The following PDIA3 variants were observed in gnomAD, a reference collection of about 807,000 sequenced individuals.
PDIA3 encodes protein disulfide-isomerase A3.
Under a neutral mutation model 56.9 loss-of-function variants are expected in PDIA3, and 16 were observed. The ratio of observed to expected loss-of-function variants is 0.28; its 90% CI spans 0.19 to 0.43. The LOEUF is 0.43. Among genes scored for constraint, PDIA3 ranks in the 20% least tolerant of loss-of-function variants. The pLI is 1.00. For synonymous variants in PDIA3, 192 were observed against 216.5 expected (o/e 0.89, Z 0.99); for missense variants, 485 against 621.3 (o/e 0.78, Z 2.33).
chr15:43,748,566 T>G (rs1250611242), intron 1 of PDIA3, among the ~76,000 whole-genome samples: 1 of 152,122 alleles, frequency 6.6e-6, no homozygotes, highest in African/African-American at 2.4e-5. Context: ...AAACTACATA[T>G]CCCATCAGGC....
Position 43,769,583 on chromosome 15 carries a change from T to G in PDIA3, c.1203T>G (p.Phe401Leu), listed in dbSNP as rs1437542661. The G allele has an allele frequency of 1.2e-6, 2 of 1,613,386 alleles. No homozygotes were observed. Among genetic ancestry groups the G allele is most frequent in the South Asian group, 1.1e-5 (1 of 91,062 alleles). Reference sequence around the variant, plus strand: ...AAAATAAAGATGTGCTGATTGAATTTTATGCCCCTTGGTGTGGTCACTGTA... The same window carrying G: ...AAAATAAAGATGTGCTGATTGAATTGTATGCCCCTTGGTGTGGTCACTGTA... ...NNENKDVLIE[F>L]YAPWCGHCKN... is the part of the protein sequence containing the mutation. Residue 401 changes from phenylalanine to leucine, a missense_variant, in exon 10 of 13, where the codon TTT (phenylalanine) becomes TTG (leucine). Coordinates refer to ENST00000300289, the MANE Select transcript of PDIA3 (RefSeq NM_005313.5).
At position 43,772,737 on chromosome 15, in the gene PDIA3, T is replaced by G. The variant is rs899905467; in HGVS notation, c.*1519T>G. On this transcript the variant is annotated 3_prime_UTR_variant, in exon 13 of 13. Transcript: ENST00000300289. Reference sequence around the variant, plus strand: ...TCTTTTAACTCTTATCAGAAGTTATTATTACTGTTTCCTTAGAGAGGCTAC... The same window carrying G: ...TCTTTTAACTCTTATCAGAAGTTATGATTACTGTTTCCTTAGAGAGGCTAC... 1.2e-5 allele frequency: 2 copies of G among 162,734 alleles called. No homozygotes were observed. The highest frequency in any genetic ancestry group is 2.7e-5 in the Non-Finnish European group (2 of 75,298). The allele number at this position is 162,734 out of a possible 1,614,324, so 10.1% of individuals were successfully genotyped here.
intron 1 of PDIA3, among the ~76,000 whole-genome samples, chr15:43,750,292 A>C (rs1202319691): frequency 4.0e-5 from 6 of 149,570 alleles, no homozygotes; most frequent in Non-Finnish European, 7.4e-5. Context: ...CTGGGATTTC[A>C]GGCGTGAGCC....
intron 5 of PDIA3, 139 bp downstream of exon 5, chr15:43,763,345 C>T (rs1362733029): frequency 5.6e-6 from 5 of 898,376 alleles, no homozygotes; most frequent in Non-Finnish European, 8.4e-6. Context: ...CTCCACCTCC[C>T]AGGTTCAAAC....
intron 2 of PDIA3, among the ~76,000 whole-genome samples, chr15:43,754,286 C>G (rs2086762763): frequency 6.7e-6 from 1 of 150,162 alleles, no homozygotes. Context: ...CCCAGCTACT[C>G]AGGAGACTGA....
intron 1 of PDIA3, among the ~76,000 whole-genome samples, chr15:43,749,307 G>A (rs2086728762): frequency 6.6e-6 from 1 of 151,380 alleles, no homozygotes; most frequent in African/African-American, 2.4e-5. Context: ...TAGCCTGATG[G>A]TGAACTCCTG....
intron 9 of PDIA3, among the ~76,000 whole-genome samples, chr15:43,768,854 T>A (rs147968436): frequency 0.018 from 2,695 of 151,932 alleles, 86 homozygotes; most frequent in African/African-American, 0.062. Context: ...AAACCCCGTA[T>A]CTACTAAAAA....
chr15:43,769,470 A>G, intron 9 of PDIA3, 48 bp from the exon 10 acceptor site: 3 of 1,586,750 alleles, frequency 1.9e-6, no homozygotes, highest in East Asian at 4.5e-5. Context: ...TACAGTTGTG[A>G]ATTTATTTTT....
chr15:43,757,955 A>G (rs545134479), intron 3 of PDIA3, among the ~76,000 whole-genome samples: 1 of 151,528 alleles, frequency 6.6e-6, no homozygotes, highest in Non-Finnish European at 1.5e-5. Context: ...AAAAAAAACA[A>G]CGAAATAGGC....
At position 43,748,800 on chromosome 15, in the gene PDIA3, G is replaced by A. The variant is rs1003317217; in HGVS notation, c.167+2094G>A. Among the ~76,000 whole-genome samples, 37 of 148,248 alleles carry A rather than the reference G, an allele frequency of 2.5e-4. 1 individual carries two copies. Among genetic ancestry groups the A allele is most frequent in the Non-Finnish European group, 7.4e-5 (5 of 67,494 alleles). On this transcript the variant is annotated intron_variant, in intron 1 of 12. Coordinates refer to ENST00000300289, the MANE Select transcript of PDIA3 (RefSeq NM_005313.5). ...TTTTTTTTTTTTGAGATGGAGTCTC[G>A]CTTTGTTGCCCAGGCTAGAGTGCCA...
intron 3 of PDIA3, among the ~76,000 whole-genome samples, chr15:43,758,246 A>G (rs2086792663): frequency 6.6e-6 from 1 of 152,160 alleles, no homozygotes; most frequent in Non-Finnish European, 1.5e-5. Flanking sequence ...TCAAAACAAC[A>G]ACAACAACAA....
intron 1 of PDIA3, among the ~76,000 whole-genome samples, chr15:43,747,323 GA>G (rs1318123001): frequency 1.3e-5 from 2 of 152,164 alleles, no homozygotes; most frequent in Non-Finnish European, 2.9e-5. Flanking sequence ...AGGAGTACGT[GA>G]ACAAGAATAA....
Position 43,761,473 on chromosome 15 carries a change from T to C in PDIA3, c.414T>C (p.Pro138=). 2 of 1,606,234 alleles carry C rather than the reference T, an allele frequency of 1.2e-6. No homozygotes were observed. Among genetic ancestry groups the C allele is most frequent in the Non-Finnish European group, 1.7e-6 (2 of 1,174,080 alleles). The change falls in exon 4 of 13, where the codon CCT becomes CCC. Residue 138 remains proline, a synonymous_variant. Coordinates refer to ENST00000300289, the MANE Select transcript of PDIA3 (RefSeq NM_005313.5). ...LKKQAGPASV[P]LRTEEEFKKF... ...AGCAGGCAGGACCAGCTTCAGTGCC[T>C]CTCAGGACTGAGGAAGAATTTAAGA... is the stretch of plus-strand genomic sequence containing the variant.
chr15:43,757,351 G>A (rs989547391), intron 3 of PDIA3, among the ~76,000 whole-genome samples: 1 of 151,446 alleles, frequency 6.6e-6, no homozygotes, highest in Admixed American at 6.6e-5. Flanking sequence ...GAGGTCAGGA[G>A]ATCGAGACCA....
At position 43,771,886 on chromosome 15, in the gene PDIA3, C is replaced by T. The variant is rs1262461176; in HGVS notation, c.*668C>T. 2.9e-6 allele frequency: 1 copy of T among 348,186 alleles called. No homozygotes were observed. The highest frequency in any genetic ancestry group is 2.1e-5 in the African/African-American group (1 of 47,732). 21.6% of individuals were successfully genotyped at this position (348,186 alleles called of 1,614,324 possible). A position where few individuals can be genotyped will look rare whatever the true frequency, so the allele number is the denominator to read the frequency against. On this transcript the variant is annotated 3_prime_UTR_variant, in exon 13 of 13. Coordinates refer to ENST00000300289, the MANE Select transcript of PDIA3 (RefSeq NM_005313.5). ...GAAGGGCCTTTCTTGTTAGGCTGTCCATGCCCTAAGGATGGGTTCCTGTTT... is the reference window on the plus strand; with the variant it reads ...GAAGGGCCTTTCTTGTTAGGCTGTCTATGCCCTAAGGATGGGTTCCTGTTT...
chr15:43,759,926 A>G (rs1426676561), intron 3 of PDIA3, among the ~76,000 whole-genome samples: 1 of 152,124 alleles, frequency 6.6e-6, no homozygotes, highest in Non-Finnish European at 1.5e-5. Flanking sequence ...CGTCTGTACT[A>G]AAAATACAAA....
intron 8 of PDIA3, among the ~76,000 whole-genome samples, chr15:43,768,028 C>T (rs188739444): frequency 5.0e-4 from 76 of 152,248 alleles, no homozygotes; most frequent in African/African-American, 1.8e-3. Flanking sequence ...ATTCCCCCCC[C>T]TCATCCCTAC....
Position 43,746,723 on chromosome 15 carries a change from G to T in PDIA3, c.167+17G>T, listed in dbSNP as rs766173987. 8 of 1,611,568 alleles carry T rather than the reference G, an allele frequency of 5.0e-6. No homozygotes were observed. The highest frequency in any genetic ancestry group is 1.3e-5 in the African/African-American group (1 of 74,822). On this transcript the variant is annotated intron_variant, in intron 1 of 12. Coordinates refer to ENST00000300289, the MANE Select transcript of PDIA3 (RefSeq NM_005313.5). ...CGCCCCCTGGTGAGTCCATTCTGCC[G>T]AGGCGGGGGAAGAAAGGCGGGGCTG...
At chr15:43,768,867 C>CA (rs1214889100) in intron 9 of PDIA3, among the ~76,000 whole-genome samples, 1 of 151,886 alleles carries the variant, frequency 6.6e-6, no homozygotes, top group African/African-American at 2.4e-5. Context: ...ACTAAAAACA[C>CA]AAAAAAATCA....
Sources: allele counts gnomAD v4.1 joint callset (sites outside exome capture counted in the v4.1 genomes callset), GRCh38; gene constraint gnomAD v4.1.1; transcripts MANE v1.5; gene names NCBI Gene and HGNC (gene_info 2026-07-23, HGNC 2026-07-21).